The following NAV2 variants were observed in gnomAD, a reference collection of about 807,000 sequenced individuals.
NAV2 encodes helicase, APC down-regulated 1.
Under a neutral mutation model 223.2 loss-of-function variants are expected in NAV2, and 54 were observed. That is an observed-to-expected ratio of 0.24 (90% CI 0.19 to 0.30). The LOEUF (loss-of-function observed/expected upper bound fraction) is 0.30. Among genes scored for constraint, NAV2 ranks in the 10% least tolerant of loss-of-function variants. The pLI is 1.00. For synonymous variants in NAV2, 1,279 were observed against 1,239.3 expected (o/e 1.03, Z -0.67); for missense variants, 2,806 against 3,147.5 (o/e 0.89, Z 2.60).
intron 1 of NAV2, among the ~76,000 whole-genome samples, chr11:19,373,909 C>A (rs1848553951): frequency 6.6e-6 from 1 of 152,052 alleles, no homozygotes; most frequent in South Asian, 2.1e-4. Context: ...CATAATACAC[C>A]CCATATCACC....
chr11:20,056,424 C>A, intron 19 of NAV2: 4 of 794,222 alleles, frequency 5.0e-6, no homozygotes, highest in South Asian at 1.5e-5. Context: ...CTTTCTCAAG[C>A]ACTGGGTTTT....
At chr11:19,705,143 A>G (rs2152292816) in intron 1 of NAV2, among the ~76,000 whole-genome samples, 1 of 151,960 alleles carries the variant, frequency 6.6e-6, no homozygotes, top group South Asian at 2.1e-4. Context: ...ATAGTGAAAA[A>G]GTGGGTGGAG....
rs556178460 is a variant in NAV2, at chr11:20,084,525, G to C, written c.5498+1346G>C. Among the ~76,000 whole-genome samples the C allele has an allele frequency of 7.9e-5, 12 of 152,282 alleles. No individual in the cohort carries two copies. The South Asian group carries it at 2.5e-3, about 32-fold the overall frequency. Reference sequence around the variant, plus strand: ...CACCCTAGTAAGAGGTAGCCACAGGGGTGTGTACTTCCTACTGCTATGGGT... The same window carrying C: ...CACCCTAGTAAGAGGTAGCCACAGGCGTGTGTACTTCCTACTGCTATGGGT... On this transcript the variant is annotated intron_variant, in intron 26 of 37. Coordinates refer to ENST00000349880, the MANE Select transcript of NAV2 (RefSeq NM_145117.5).
At chr11:19,610,054 G>A (rs2046594048) in intron 1 of NAV2, among the ~76,000 whole-genome samples, 1 of 152,192 alleles carries the variant, frequency 6.6e-6, no homozygotes, top group Admixed American at 6.5e-5. Context: ...GGACTGATAG[G>A]TGCTAATTGA....
intron 1 of NAV2, among the ~76,000 whole-genome samples, chr11:19,737,741 G>A (rs1275577266): frequency 6.6e-6 from 1 of 152,236 alleles, no homozygotes; most frequent in Non-Finnish European, 1.5e-5. Context: ...TTAGCAGGAG[G>A]TCTGACATGC....
intron 6 of NAV2, among the ~76,000 whole-genome samples, chr11:19,914,304 A>G (rs1453474554): frequency 1.3e-5 from 2 of 152,196 alleles, no homozygotes. Context: ...GTGTCACATT[A>G]CTGTCGGTCA....
chr11:19,999,801 G>A (rs1243238688), intron 11 of NAV2, among the ~76,000 whole-genome samples: 2 of 152,228 alleles, frequency 1.3e-5, no homozygotes, highest in African/African-American at 2.4e-5. Context: ...AAATGAGACA[G>A]TGCCAGGCAC....
rs866243417 is a variant in NAV2 at position 19,382,191 on chromosome 11, G to A, written c.75+31164G>A. Among the ~76,000 whole-genome samples the A allele has an allele frequency of 2.6e-5, 4 of 152,212 alleles. No homozygotes were observed. The South Asian group carries it at 8.3e-4, about 31-fold the overall frequency. ...TGAATGGCGCCTGAGGGGGAAGGGCGCAGTGTCCTCGGGAGTGGAATAATG... is the reference window on the plus strand; with the variant it reads ...TGAATGGCGCCTGAGGGGGAAGGGCACAGTGTCCTCGGGAGTGGAATAATG... On this transcript the variant is annotated intron_variant, in intron 1 of 37. Coordinates refer to the NAV2 transcript ENST00000360655.
At chr11:19,932,613 C>T (rs2045483062) in intron 6 of NAV2, among the ~76,000 whole-genome samples, 1 of 152,202 alleles carries the variant, frequency 6.6e-6, no homozygotes, top group Admixed American at 6.5e-5. Flanking sequence ...GCCACTGCAC[C>T]CAGCCATTTG....
intron 1 of NAV2, among the ~76,000 whole-genome samples, chr11:19,414,520 A>G (rs1408110452): frequency 6.6e-6 from 1 of 152,180 alleles, no homozygotes; most frequent in African/African-American, 2.4e-5. Flanking sequence ...CCCACTGTCA[A>G]TATTAGACAG....
intron 3 of NAV2, among the ~76,000 whole-genome samples, chr11:19,863,789 GT>G (rs2061932502): frequency 1.3e-5 from 2 of 152,090 alleles, no homozygotes; most frequent in African/African-American, 4.8e-5. Context: ...GTTTCCCTGC[GT>G]TCGACTGTAG....
chr11:19,776,632 A>ATGTGTGTGTGTGTGTGTGTG lies in NAV2; in HGVS notation c.268-55827_268-55808dup, dbSNP rs71050685. On this transcript the variant is annotated intron_variant, in intron 1 of 37. Coordinates refer to ENST00000349880, the MANE Select transcript of NAV2 (RefSeq NM_145117.5). The stretch of plus-strand genomic sequence containing the variant: ...TGGTTAGAGTTGTGGGGGTCAGAAA[A>ATGTGTGTGTGTGTGTGTGTG]TGTGTGTGTGTGTGTGTGTGTGTGT... Among the ~76,000 whole-genome samples, 365 of 64,652 alleles carry ATGTGTGTGTGTGTGTGTGTG rather than the reference A, an allele frequency of 5.6e-3. 18 individuals carry two copies. The highest frequency in any genetic ancestry group is 9.8e-3 in the Middle Eastern group (1 of 102). The allele number at this position is 64,652 out of a possible 152,430, so 42.4% of individuals were successfully genotyped here.
At chr11:19,883,390 A>G (rs1276380151) in intron 5 of NAV2, among the ~76,000 whole-genome samples, 1 of 152,176 alleles carries the variant, frequency 6.6e-6, no homozygotes, top group Admixed American at 6.5e-5. Context: ...GGTGGCCAAG[A>G]ACTTAATCCA....
At chr11:19,531,249 T>A (rs1565022148) in intron 1 of NAV2, among the ~76,000 whole-genome samples, 1 of 152,136 alleles carries the variant, frequency 6.6e-6, no homozygotes, top group Non-Finnish European at 1.5e-5. Context: ...AAGAAATATA[T>A]GTAATAGCAC....
chr11:19,618,235 T>C (rs551647764), intron 1 of NAV2, among the ~76,000 whole-genome samples: 2 of 152,200 alleles, frequency 1.3e-5, no homozygotes, highest in South Asian at 2.1e-4. Context: ...GATGGATGGA[T>C]GGATGGATTG....
At chr11:19,473,777 C>A (rs567006962) in intron 1 of NAV2, among the ~76,000 whole-genome samples, 221 of 152,332 alleles carry the variant, frequency 1.5e-3, no homozygotes, top group Non-Finnish European at 2.8e-3. Flanking sequence ...ACTGATAGTA[C>A]ATAACTCTGT....
intron 1 of NAV2, among the ~76,000 whole-genome samples, chr11:19,825,071 C>T (rs940666073): frequency 6.6e-6 from 1 of 151,920 alleles, no homozygotes; most frequent in African/African-American, 2.4e-5. Flanking sequence ...GGAGGGCGAT[C>T]ACTTGAGGCC....
intron 1 of NAV2, among the ~76,000 whole-genome samples, chr11:19,615,912 G>A (rs1407191185): frequency 6.6e-6 from 1 of 152,078 alleles, no homozygotes; most frequent in Non-Finnish European, 1.5e-5. Flanking sequence ...TCCACTGTTG[G>A]GGGGATCCTG....
chr11:19,485,152 T>C (rs968234674), intron 1 of NAV2, among the ~76,000 whole-genome samples: 1 of 152,152 alleles, frequency 6.6e-6, no homozygotes, highest in African/African-American at 2.4e-5. Flanking sequence ...GCAAAGGTCC[T>C]TATCTAGGGG....
Sources: allele counts gnomAD v4.1 joint callset (sites outside exome capture counted in the v4.1 genomes callset), GRCh38; gene constraint gnomAD v4.1.1; transcripts MANE v1.5; gene names NCBI Gene and HGNC (gene_info 2026-07-23, HGNC 2026-07-21).